Variants in ADARB2 observed in about 807,000 individuals in gnomAD.
ADARB2 encodes inactive double-stranded RNA-specific editase B2.
ADARB2 carries 25 observed loss-of-function variants against 62.2 expected under a neutral mutation model. The ratio of observed to expected loss-of-function variants is 0.40; its 90% CI spans 0.29 to 0.56. ADARB2 has a LOEUF of 0.56. ADARB2 is among the 20% of genes least tolerant of loss of function. The pLI, the probability that ADARB2 is intolerant of heterozygous loss-of-function variation, is 0.43. For missense variants in ADARB2, 1,071 were observed against 1,077.4 expected, an observed-to-expected ratio of 0.99 and a Z score of 0.08; for synonymous variants, 572 against 500.8, an observed-to-expected ratio of 1.14 and a Z score of -1.90.
At chr10:1,222,556 A>G (rs574310338) in intron 6 of ADARB2, among the ~76,000 whole-genome samples, 2,732 of 149,494 alleles carry the variant, frequency 0.018, 149 homozygotes, top group Middle Eastern at 0.048. Context: ...TAGGTCTAAC[A>G]TGTAAGTCTT....
At chr10:1,327,217 T>TCCCCA (rs1831869619) in intron 3 of ADARB2, among the ~76,000 whole-genome samples, 1 of 37,778 alleles carries the variant, frequency 2.6e-5, no homozygotes, top group Admixed American at 2.7e-4. Context: ...CTCCTCACAG[T>TCCCCA]TCAGCGCCTC....
intron 5 of ADARB2, among the ~76,000 whole-genome samples, chr10:1,234,701 G>A (rs1434377945): frequency 2.1e-5 from 3 of 143,874 alleles, no homozygotes; most frequent in Admixed American, 6.9e-5. Context: ...CCCAGGCTCC[G>A]AAAGTGCTGG....
intron 1 of ADARB2, among the ~76,000 whole-genome samples, chr10:1,613,946 T>A (rs1833600844): frequency 6.6e-6 from 1 of 152,268 alleles, no homozygotes; most frequent in Non-Finnish European, 1.5e-5. Context: ...ACCTTTGTAT[T>A]TTTTATACCT....
intron 1 of ADARB2, among the ~76,000 whole-genome samples, chr10:1,633,552 CTAT>C (rs1833870566): frequency 6.8e-5 from 4 of 59,192 alleles, no homozygotes; most frequent in Non-Finnish European, 1.4e-4. Flanking sequence ...TATCTATCAT[CTAT>C]CTATCTATCT....
At chr10:1,286,749 A>G (rs1831417440) in intron 3 of ADARB2, among the ~76,000 whole-genome samples, 1 of 152,102 alleles carries the variant, frequency 6.6e-6, no homozygotes, top group South Asian at 2.1e-4. Flanking sequence ...TGGCACAGAG[A>G]TGTACGCCTG....
intron 1 of ADARB2, among the ~76,000 whole-genome samples, chr10:1,665,461 G>A (rs541988211): frequency 4.9e-4 from 74 of 152,350 alleles, no homozygotes; most frequent in Middle Eastern, 6.8e-3. Context: ...GGGCCCACCC[G>A]AGAGGACCTC....
At chr10:1,405,504 C>T (rs936312245) in intron 1 of ADARB2, among the ~76,000 whole-genome samples, 2 of 151,952 alleles carry the variant, frequency 1.3e-5, no homozygotes, top group South Asian at 2.1e-4. Context: ...ATGGTAGGGG[C>T]CTGTAATCCC....
At chr10:1,223,626 C>G (rs575490179) in intron 6 of ADARB2, among the ~76,000 whole-genome samples, 82 of 152,160 alleles carry the variant, frequency 5.4e-4, no homozygotes, top group Middle Eastern at 3.4e-3. Context: ...AGAGTTTTTA[C>G]CATGAAGGGT....
intron 1 of ADARB2, among the ~76,000 whole-genome samples, chr10:1,399,226 AGGAGG>A (rs1832641669): frequency 6.6e-6 from 1 of 152,062 alleles, no homozygotes; most frequent in African/African-American, 2.4e-5. Flanking sequence ...AAGAGGCTGA[AGGAGG>A]GTATTTATAG....
chr10:1,342,633 G>T (rs1192123688), intron 3 of ADARB2, among the ~76,000 whole-genome samples: 1 of 152,204 alleles, frequency 6.6e-6, no homozygotes, highest in Non-Finnish European at 1.5e-5. Flanking sequence ...CCCTGCCTGT[G>T]ATGGGCTAGC....
intron 1 of ADARB2, among the ~76,000 whole-genome samples, chr10:1,709,008 A>G (rs1564201055): frequency 6.6e-6 from 1 of 152,132 alleles, no homozygotes; most frequent in Non-Finnish European, 1.5e-5. Flanking sequence ...TTAAATATGG[A>G]GGGAGGAGGG....
At chr10:1,246,125 A>G (rs1830984334) in intron 4 of ADARB2, among the ~76,000 whole-genome samples, 1 of 152,006 alleles carries the variant, frequency 6.6e-6, no homozygotes, top group African/African-American at 2.4e-5. Context: ...TTTTGGCTGC[A>G]TAAATGTCTT....
Position 1,426,446 on chromosome 10 carries a change from G to A in ADARB2, c.101-47286C>T, listed in dbSNP as rs900158766. On this transcript the variant is annotated intron_variant, in intron 1 of 9. Transcript: ENST00000381312. The surrounding 1 kb of genome is among the most constrained non-coding windows in gnomAD (Gnocchi z 4.1). ...AAACCGAAGCCCTCTTCTGCGTGGC[G>A]ATTTGGAGAACACAGTCAGCATGCA... is the stretch of plus-strand genomic sequence containing the variant. Among the ~76,000 whole-genome samples, 4 of 152,004 alleles carry A rather than the reference G, an allele frequency of 2.6e-5. No individual in the cohort carries two copies. The highest frequency in any genetic ancestry group is 2.6e-4 in the Admixed American group (4 of 15,268).
chr10:1,205,629 C>T (rs566565534), intron 7 of ADARB2, among the ~76,000 whole-genome samples: 3 of 152,402 alleles, frequency 2.0e-5, no homozygotes, highest in Non-Finnish European at 4.4e-5. Flanking sequence ...GCTCCCCAGC[C>T]CCTTCCACCA....
At chr10:1,387,265 A>G (rs1469692553) in intron 1 of ADARB2, among the ~76,000 whole-genome samples, 1 of 151,968 alleles carries the variant, frequency 6.6e-6, no homozygotes, top group Non-Finnish European at 1.5e-5. Flanking sequence ...TAAAATTAAT[A>G]GTAGGAGTCA....
intron 1 of ADARB2, among the ~76,000 whole-genome samples, chr10:1,496,917 T>G (rs1198084431): frequency 6.6e-6 from 1 of 152,158 alleles, no homozygotes; most frequent in African/African-American, 2.4e-5. Flanking sequence ...GGCTGAGACA[T>G]TAAGTAGAAA....
chr10:1,307,962 G>C (rs1252926265), intron 3 of ADARB2, among the ~76,000 whole-genome samples: 134 of 143,638 alleles, frequency 9.3e-4, no homozygotes, highest in African/African-American at 3.3e-3. Context: ...GATAGCATTG[G>C]GAGATATACC....
At chr10:1,419,987 C>A (rs1380809474) in intron 1 of ADARB2, among the ~76,000 whole-genome samples, 1 of 152,226 alleles carries the variant, frequency 6.6e-6, no homozygotes, top group Non-Finnish European at 1.5e-5. Flanking sequence ...TTTACCAAAT[C>A]TATCAGCTAT....
intron 3 of ADARB2, among the ~76,000 whole-genome samples, chr10:1,305,465 C>T (rs1333508751): frequency 1.3e-5 from 2 of 151,430 alleles, no homozygotes; most frequent in African/African-American, 2.4e-5. Context: ...CCGAATTCTA[C>T]CAGAGGTACA....
Sources: gnomAD v4.1 joint callset for allele counts (sites outside exome capture counted in the v4.1 genomes callset) on GRCh38, gnomAD v4.1.1 for gene constraint, Gnocchi (gnomAD v3.1) non-coding constraint, MANE v1.5 for transcripts, NCBI Gene and HGNC (gene_info 2026-07-23, HGNC 2026-07-21) for gene names.